KRR1: variants seen among roughly 807,000 people sequenced by gnomAD.
KRR1 encodes KRR1 small subunit processome component homolog.
A neutral mutation model predicts 50.0 loss-of-function variants in KRR1; 23 were observed. That is an observed-to-expected ratio of 0.46 (90% CI 0.33 to 0.65). KRR1 has a LOEUF of 0.65. Ranked by LOEUF, KRR1 falls within the 30% of genes least tolerant of loss-of-function variation. The pLI, the probability that KRR1 is intolerant of heterozygous loss-of-function variation, is 0.02. For missense variants in KRR1, 419 were observed against 442.4 expected, an observed-to-expected ratio of 0.95 and a Z score of 0.47; for synonymous variants, 133 against 146.3, an observed-to-expected ratio of 0.91 and a Z score of 0.66.
In KRR1 at chr12:75,495,558, T is replaced by A. The variant is rs371886998; in HGVS notation, c.*4251A>T. Reference sequence around the variant, plus strand: ...AAAACCGAAAAACTTCTAATGGACATCCTTCTTCTGCTTTACAGAGGGAAT... The same window carrying A: ...AAAACCGAAAAACTTCTAATGGACAACCTTCTTCTGCTTTACAGAGGGAAT... On this transcript the variant is annotated 3_prime_UTR_variant, in exon 10 of 10. Coordinates refer to ENST00000229214, the MANE Select transcript of KRR1 (RefSeq NM_007043.7). 12 of 1,445,294 alleles carry A rather than the reference T, an allele frequency of 8.3e-6. No individual in the cohort carries two copies. Among genetic ancestry groups the A allele is most frequent in the Non-Finnish European group, 1.2e-5 (12 of 1,027,672 alleles). 89.5% of individuals were successfully genotyped at this position (1,445,294 alleles called of 1,614,324 possible).
chr12:75,500,213 T>A (rs993618496), intron 9 of KRR1: 1 of 229,932 alleles, frequency 4.3e-6, no homozygotes, highest in East Asian at 9.4e-5. Context: ...ATAAATGGCA[T>A]AATTGAACCA....
rs778683971 is a variant in KRR1 at position 75,498,810 on chromosome 12, T to C, written c.*999A>G. The C allele has an allele frequency of 2.3e-5, 37 of 1,612,308 alleles. No individual in the cohort carries two copies. Among genetic ancestry groups the C allele is most frequent in the Non-Finnish European group, 3.1e-5 (36 of 1,178,764 alleles). On this transcript the variant is annotated 3_prime_UTR_variant, in exon 10 of 10. Coordinates refer to ENST00000229214, the MANE Select transcript of KRR1 (RefSeq NM_007043.7). ...GAACAATGTCTAAGAGGATATTCTA[T>C]GTTTGTTTCACAGGTTACTACTCTG...
In KRR1 at chr12:75,508,330, T is replaced by C. The variant is rs930571667; in HGVS notation, c.202A>G (p.Arg68Gly). The change falls in exon 2 of 10, where the codon AGG (arginine) becomes GGG (glycine). Residue 68 changes from arginine to glycine, a missense_variant. By Grantham distance (125) the Arg-to-Gly change is moderately radical. Coordinates refer to ENST00000229214, the MANE Select transcript of KRR1 (RefSeq NM_007043.7). ...SSFATLFPKY[R>G]EAYLKECWPL... ...CAACACTCTTTCAAGTAAGCTTCCC[T>C]GTATTTTGGGAACAAAGTTGCGAAA... 3.1e-6 allele frequency: 5 copies of C among 1,613,570 alleles called. No individual in the cohort carries two copies. Among genetic ancestry groups the C allele is most frequent in the African/African-American group, 1.3e-5 (1 of 74,916 alleles).
Position 75,494,310 on chromosome 12 carries a change from A to C in KRR1, c.*5499T>G, listed in dbSNP as rs1006083742. The C allele has an allele frequency of 1.3e-5, 2 of 152,232 alleles. No individual in the cohort carries two copies. Among genetic ancestry groups the C allele is most frequent in the African/African-American group, 2.4e-5 (1 of 41,466 alleles). 9.4% of individuals were successfully genotyped at this position (152,232 alleles called of 1,614,324 possible). A position where few individuals can be genotyped will look rare whatever the true frequency, so the allele number is the denominator to read the frequency against. ...TTTATTTTCACTAACCTCTATTAAAAATAACATTTCCTTTCATTATGAATG... is the reference window on the plus strand; with the variant it reads ...TTTATTTTCACTAACCTCTATTAAACATAACATTTCCTTTCATTATGAATG... On this transcript the variant is annotated 3_prime_UTR_variant, in exon 10 of 10. Transcript: ENST00000229214.
In KRR1 at chr12:75,508,865, G is replaced by A. The variant is rs943519044; in HGVS notation, c.86-419C>T. Reference sequence around the variant, plus strand: ...CTTTCTGACTTTCCTGGAGTGTATGGAATCTGGATGTATGTGTTTGTGTAA... The same window carrying A: ...CTTTCTGACTTTCCTGGAGTGTATGAAATCTGGATGTATGTGTTTGTGTAA... On this transcript the variant is annotated intron_variant, in intron 1 of 9. Transcript: ENST00000229214. Among the ~76,000 whole-genome samples, 8 of 152,280 alleles carry A rather than the reference G, an allele frequency of 5.3e-5. No individual in the cohort carries two copies. In the South Asian group the frequency reaches 1.5e-3, roughly 28 times the overall value.
chr12:75,505,154 A>T, intron 6 of KRR1, 44 bp downstream of exon 6: 1 of 1,469,620 alleles, frequency 6.8e-7, no homozygotes, highest in South Asian at 1.3e-5. Flanking sequence ...TAGCTAAAAG[A>T]AGTATGATAA....
At position 75,498,869 on chromosome 12, in the gene KRR1, A is replaced by G. The variant is rs759750764; in HGVS notation, c.*940T>C. 1 of 1,611,626 alleles carries G rather than the reference A, an allele frequency of 6.2e-7. No homozygotes were observed. Among genetic ancestry groups the G allele is most frequent in the South Asian group, 1.1e-5 (1 of 90,984 alleles). On this transcript the variant is annotated 3_prime_UTR_variant, in exon 10 of 10. Coordinates refer to ENST00000229214, the MANE Select transcript of KRR1 (RefSeq NM_007043.7). ...CCAGGCTGGCCCATATATCCACGTA[A>G]CAGATACACTTCTCTCTTTCTCATT...
rs756615519 is a variant in KRR1 at position 75,495,537 on chromosome 12, C to A, written c.*4272G>T. The A allele has an allele frequency of 2.5e-6, 3 of 1,187,712 alleles. No homozygotes were observed. Among genetic ancestry groups the A allele is most frequent in the Non-Finnish European group, 2.5e-6 (2 of 798,034 alleles). The allele number at this position is 1,187,712 out of a possible 1,614,324, so 73.6% of individuals were successfully genotyped here. On this transcript the variant is annotated 3_prime_UTR_variant, in exon 10 of 10. Transcript: ENST00000229214. ...CATAGTAAATTGCAATTTTAAAAAA[C>A]CGAAAAACTTCTAATGGACATCCTT...
intron 5 of KRR1, chr12:75,506,067 G>A: frequency 3.4e-6 from 1 of 290,366 alleles, no homozygotes; most frequent in Non-Finnish European, 6.5e-6. Flanking sequence ...TATAGTGGGA[G>A]GAGTAATAGT....
chr12:75,499,834 T>TCATCTGCCTCCATCTTAA lies in KRR1; in HGVS notation c.1103_1120dup (p.Asp373_Glu374insValLysMetGluAlaAsp), dbSNP rs754516034. The TCATCTGCCTCCATCTTAA allele has an allele frequency of 1.6e-5, 25 of 1,602,848 alleles. No homozygotes were observed. The African/African-American group carries it at 2.7e-4, about 17-fold the overall frequency. ...TTACTTTTTTTTCTTCTTTTTCTTT[T>TCATCTGCCTCCATCTTAA]CATCTGCCTCCATCTTAAGTGCAAT... On this transcript the variant is annotated inframe_insertion, in exon 10 of 10. Coordinates refer to ENST00000229214, the MANE Select transcript of KRR1 (RefSeq NM_007043.7).
In KRR1 at chr12:75,495,321, A is replaced by G. The variant is rs898790904; in HGVS notation, c.*4488T>C. On this transcript the variant is annotated 3_prime_UTR_variant, in exon 10 of 10. Transcript: ENST00000229214. Reference sequence around the variant, plus strand: ...CTTTTGTCTCATCTGTAAAACAAGAATAACTTCCTCTCAGAGCTGTCACAA... The same window carrying G: ...CTTTTGTCTCATCTGTAAAACAAGAGTAACTTCCTCTCAGAGCTGTCACAA... 2 of 355,550 alleles carry G rather than the reference A, an allele frequency of 5.6e-6. No individual in the cohort carries two copies. The highest frequency in any genetic ancestry group is 1.0e-5 in the Non-Finnish European group (2 of 191,562). The allele number at this position is 355,550 out of a possible 1,614,324, so 22.0% of individuals were successfully genotyped here. A position where few individuals can be genotyped will look rare whatever the true frequency, so the allele number is the denominator to read the frequency against.
rs754046671 is a variant in KRR1, at chr12:75,508,311, T to A, written c.221A>T (p.Glu74Val). 6.2e-7 allele frequency: 1 copy of A among 1,613,044 alleles called. No homozygotes were observed. The highest frequency in any genetic ancestry group is 1.7e-5 in the Admixed American group (1 of 59,808). ...GGCTTTCTGCACCAATGGCCAACAC[T>A]CTTTCAAGTAAGCTTCCCTGTATTT... ...FPKYREAYLK[E>V]CWPLVQKALN... Residue 74 changes from glutamate (E) to valine (V), a missense_variant, in exon 2 of 10, where the codon GAG becomes GTG. By Grantham distance (121) the Glu-to-Val change is moderately radical. Coordinates refer to ENST00000229214, the MANE Select transcript of KRR1 (RefSeq NM_007043.7).
rs560837835 is a variant in KRR1 at position 75,499,197 on chromosome 12, T to G, written c.*612A>C. The G allele has an allele frequency of 2.6e-6, 1 of 379,186 alleles. No individual in the cohort carries two copies. Among genetic ancestry groups the G allele is most frequent in the Non-Finnish European group, 4.7e-6 (1 of 213,602 alleles). 23.5% of individuals were successfully genotyped at this position (379,186 alleles called of 1,614,324 possible). ...ATTTGCAGGTTGCCACAGGTGGACTTTTAGTAAGTAACCTAACCCATGTTT... is the reference window on the plus strand; with the variant it reads ...ATTTGCAGGTTGCCACAGGTGGACTGTTAGTAAGTAACCTAACCCATGTTT... On this transcript the variant is annotated 3_prime_UTR_variant, in exon 10 of 10. Transcript: ENST00000229214.
intron 9 of KRR1, 119 bp downstream of exon 9, chr12:75,501,602 TAA>T: frequency 1.5e-6 from 1 of 665,948 alleles, no homozygotes; most frequent in Non-Finnish European, 2.5e-6. Context: ...GATTAGTAAT[TAA>T]TGAAATGCTA....
chr12:75,496,338 C>T lies in KRR1; in HGVS notation c.*3471G>A, dbSNP rs1192248936. 6.6e-6 allele frequency: 1 copy of T among 151,862 alleles called. No individual in the cohort carries two copies. Among genetic ancestry groups the T allele is most frequent in the Non-Finnish European group, 1.5e-5 (1 of 67,988 alleles). The allele number at this position is 151,862 out of a possible 1,614,324, so 9.4% of individuals were successfully genotyped here. ...CCACTGCACTCCAGCCTGGGTGACA[C>T]AGTGAGGGTCTATCTCCAAAAAATG... On this transcript the variant is annotated 3_prime_UTR_variant, in exon 10 of 10. Coordinates refer to ENST00000229214, the MANE Select transcript of KRR1 (RefSeq NM_007043.7).
At chr12:75,501,685 CTAAT>C (rs762219908) in intron 9 of KRR1, 34 bp downstream of exon 9, 99 of 1,337,192 alleles carry the variant, frequency 7.4e-5, no homozygotes, top group Non-Finnish European at 8.5e-5. Flanking sequence ...TTTACTTTTC[CTAAT>C]TAATAAAGAC....
chr12:75,508,786 C>T (rs2046434032), intron 1 of KRR1, among the ~76,000 whole-genome samples: 1 of 152,194 alleles, frequency 6.6e-6, no homozygotes. Context: ...ACTACACTAT[C>T]ATAAAATTGA....
Position 75,495,403 on chromosome 12 carries a change from T to C in KRR1, c.*4406A>G. The C allele has an allele frequency of 1.8e-6, 1 of 567,906 alleles. No individual in the cohort carries two copies. The highest frequency in any genetic ancestry group is 3.2e-6 in the Non-Finnish European group (1 of 311,260). The allele number at this position is 567,906 out of a possible 1,614,324, so 35.2% of individuals were successfully genotyped here. On this transcript the variant is annotated 3_prime_UTR_variant, in exon 10 of 10. Transcript: ENST00000229214. ...AGACACAGGTACATAGAATGAACTATGCAAATATTAGCAGCCTTCCATTTC... is the reference window on the plus strand; with the variant it reads ...AGACACAGGTACATAGAATGAACTACGCAAATATTAGCAGCCTTCCATTTC...
intron 5 of KRR1, 67 bp from the exon 6 acceptor site, chr12:75,505,321 T>A: frequency 6.9e-7 from 1 of 1,454,404 alleles, no homozygotes; most frequent in Non-Finnish European, 9.2e-7. Flanking sequence ...AGAGGATTAA[T>A]ACTGCAAAAA....
Sources: gnomAD v4.1 joint callset for allele counts (sites outside exome capture counted in the v4.1 genomes callset) on GRCh38, gnomAD v4.1.1 for gene constraint, MANE v1.5 for transcripts, NCBI Gene and HGNC (gene_info 2026-07-23, HGNC 2026-07-21) for gene names.